ACTL6A: variants seen among roughly 807,000 people sequenced by gnomAD.
ACTL6A encodes the protein actin-like protein 6A.
In ACTL6A, 5 loss-of-function variants were observed where a neutral mutation model predicts 59.2. The observed-to-expected ratio is 0.08, with a 90% CI of 0.04 to 0.18. The LOEUF (loss-of-function observed/expected upper bound fraction) is 0.18, where lower values mean the gene tolerates loss of function less well. ACTL6A is among the 10% of genes least tolerant of loss of function. ACTL6A has a pLI of 1.00. For synonymous variants in ACTL6A, 154 were observed against 171.8 expected, an observed-to-expected ratio of 0.90 and a Z score of 0.81; for missense variants, 285 against 526.9, an observed-to-expected ratio of 0.54 and a Z score of 4.49.
intron 1 of ACTL6A, among the ~76,000 whole-genome samples, chr3:179,566,902 G>T (rs182776620): frequency 2.0e-5 from 3 of 152,004 alleles, no homozygotes; most frequent in Non-Finnish European, 4.4e-5. Context: ...TGTTGGCCAG[G>T]ATGGTCTTGA....
At chr3:179,565,736 A>G (rs76985230) in intron 1 of ACTL6A, among the ~76,000 whole-genome samples, 2,819 of 152,220 alleles carry the variant, frequency 0.019, 95 homozygotes, top group African/African-American at 0.063. Context: ...AGATTTTGCT[A>G]CACCTTGAAT....
At position 179,574,382 on chromosome 3, in the gene ACTL6A, G is replaced by A. The variant is rs556312497; in HGVS notation, c.391G>A (p.Ala131Thr). The change falls in exon 5 of 14, where the codon GCA becomes ACA. Residue 131 changes from alanine to threonine, a missense_variant. By Grantham distance (58) the Ala-to-Thr change is moderately conservative. Transcript: ENST00000429709. ...CCCTCTTCTCAAGTGGAATACTAGA[G>A]CAAAGAGAGAGAAACTGACAGAGTT... ...LMSEAPWNTR[A>T]KREKLTELMF... The A allele has an allele frequency of 6.2e-7, 1 of 1,611,178 alleles. No individual in the cohort carries two copies. Among genetic ancestry groups the A allele is most frequent in the Admixed American group, 1.7e-5 (1 of 60,000 alleles).
chr3:179,574,095 G>A (rs888439324), intron 4 of ACTL6A, among the ~76,000 whole-genome samples: 1 of 151,986 alleles, frequency 6.6e-6, no homozygotes, highest in African/African-American at 2.4e-5. Context: ...AAGAATCCTG[G>A]TTTCCTCATA....
intron 8 of ACTL6A, 75 bp downstream of exon 8, chr3:179,576,988 C>T (rs1437035144): frequency 8.6e-7 from 1 of 1,156,384 alleles, no homozygotes; most frequent in East Asian, 2.5e-5. Context: ...TATATATAGG[C>T]TGTAAATCCT....
rs1334808069 is a variant in ACTL6A, at chr3:179,563,075, G to A, written c.-18G>A. 14 of 1,611,082 alleles carry A rather than the reference G, an allele frequency of 8.7e-6. No homozygotes were observed. Among genetic ancestry groups the A allele is most frequent in the Non-Finnish European group, 1.2e-5 (14 of 1,179,514 alleles). On this transcript the variant is annotated 5_prime_UTR_variant, in exon 1 of 14. Transcript: ENST00000429709. ...TCGCCAGTTAGCCCTTAGGGTAGGA[G>A]TCGCGCCGGCAGCAGCCATGAGCGG...
rs1468198085 is a variant in ACTL6A, at chr3:179,576,206, T to A, written c.477-11T>A. 13 of 1,608,662 alleles carry A rather than the reference T, an allele frequency of 8.1e-6. No homozygotes were observed. The highest frequency in any genetic ancestry group is 1.1e-5 in the Non-Finnish European group (13 of 1,175,188). ...CCTTGATACTTTCTTTTCCTTAATG[T>A]TTTAAACTAGATTTGCTAATGGTCG... On this transcript the variant is annotated splice_polypyrimidine_tract_variant and intron_variant, in intron 5 of 13. Coordinates refer to ENST00000429709, the MANE Select transcript of ACTL6A (RefSeq NM_004301.5).
At chr3:179,587,897 G>A (rs1227230800) in intron 13 of ACTL6A, 33 bp from the exon 14 acceptor site, 12 of 1,560,516 alleles carry the variant, frequency 7.7e-6, no homozygotes, top group Non-Finnish European at 1.0e-5. Flanking sequence ...AAGAAGTAAG[G>A]CATAATTATA....
chr3:179,581,035 C>G, intron 10 of ACTL6A, 27 bp downstream of exon 10: 1 of 1,593,238 alleles, frequency 6.3e-7, no homozygotes. Context: ...CATAATTAGC[C>G]TGGCTTTTCC....
intron 3 of ACTL6A, among the ~76,000 whole-genome samples, chr3:179,572,341 A>G (rs1037517063): frequency 1.3e-5 from 2 of 152,204 alleles, no homozygotes; most frequent in African/African-American, 2.4e-5. Context: ...CTTTACACTA[A>G]GAAAGAAGTT....
rs749632307 is a variant in ACTL6A, at chr3:179,576,697, T to C, written c.649T>C (p.Leu217=). The C allele has an allele frequency of 1.2e-6, 2 of 1,613,708 alleles. No homozygotes were observed. The highest frequency in any genetic ancestry group is 4.5e-5 in the East Asian group (2 of 44,878). The change falls in exon 7 of 14, where the codon TTG becomes CTG. Residue 217 remains leucine (L), a synonymous_variant. Coordinates refer to ENST00000429709, the MANE Select transcript of ACTL6A (RefSeq NM_004301.5). The part of the protein sequence containing the change: ...RELFQEMNIE[L]VPPYMIASKE... The stretch of plus-strand genomic sequence containing the variant: ...ACTCTTCCAAGAAATGAATATTGAA[T>C]TGGTTCCTCCATATATGATTGCATC...
In ACTL6A at chr3:179,574,999, C is replaced by T. The variant is rs1448952543; in HGVS notation, c.476+532C>T. The T allele has an allele frequency of 3.2e-5, 6 of 189,284 alleles. No individual in the cohort carries two copies. The Admixed American group carries it at 3.3e-4, about 10-fold the overall frequency. 11.7% of individuals were successfully genotyped at this position (189,284 alleles called of 1,614,324 possible). A position where few individuals can be genotyped will look rare whatever the true frequency, so the allele number is the denominator to read the frequency against. On this transcript the variant is annotated intron_variant, in intron 5 of 13. Transcript: ENST00000429709. ...TTACGCTGTTGCTCTAATAATCTTT[C>T]TATTTTTATTTATTTATTTATTTGG...
chr3:179,563,132 C>T lies in ACTL6A; in HGVS notation c.25+15C>T. On this transcript the variant is annotated intron_variant, in intron 1 of 13. Coordinates refer to ENST00000429709, the MANE Select transcript of ACTL6A (RefSeq NM_004301.5). Reference sequence around the variant, plus strand: ...GTACGGGGGAGGTGAGTGAGTGCGGCCGGACGAGAGAGCGCGCCTTTTCGG... The same window carrying T: ...GTACGGGGGAGGTGAGTGAGTGCGGTCGGACGAGAGAGCGCGCCTTTTCGG... The T allele has an allele frequency of 1.9e-6, 3 of 1,611,202 alleles. No homozygotes were observed. The highest frequency in any genetic ancestry group is 2.5e-6 in the Non-Finnish European group (3 of 1,179,002).
In ACTL6A at chr3:179,576,896, C is replaced by T. The variant is rs773240025; in HGVS notation, c.751C>T (p.His251Tyr). Residue 251 changes from histidine (H) to tyrosine (Y), a missense_variant, in exon 8 of 14, where the codon CAC becomes TAC. Physicochemically the swap from His to Tyr is moderately conservative, Grantham distance 83 (BLOSUM62 2). Transcript: ENST00000429709. The stretch of plus-strand genomic sequence containing the variant: ...GTTGCCTCAGGTTACGAGGTCTTGG[C>T]ACAATTATATGTGTAATGTAAGTAA... Reference protein sequence around the residue: ...EKLPQVTRSWHNYMCNCVIQD... With the variant: ...EKLPQVTRSWYNYMCNCVIQD... 2.5e-6 allele frequency: 4 copies of T among 1,613,594 alleles called. No individual in the cohort carries two copies. The highest frequency in any genetic ancestry group is 1.7e-6 in the Non-Finnish European group (2 of 1,179,726).
chr3:179,581,214 C>G lies in ACTL6A; in HGVS notation c.1020C>G (p.Ile340Met). 1.2e-6 allele frequency: 2 copies of G among 1,612,206 alleles called. No homozygotes were observed. The highest frequency in any genetic ancestry group is 1.7e-6 in the Non-Finnish European group (2 of 1,178,270). The stretch of plus-strand genomic sequence containing the variant: ...GTGTTGGGATGTGTGATATTGACAT[C>G]AGACCAGTAAGTGCCAGTCTCCTGT... ...TTSVGMCDID[I>M]RPGLYGSVIV... Residue 340 changes from isoleucine (I) to methionine (M), a missense_variant, in exon 11 of 14, where the codon ATC becomes ATG. Physicochemically the swap from Ile to Met is conservative, Grantham distance 10. Coordinates refer to ENST00000429709, the MANE Select transcript of ACTL6A (RefSeq NM_004301.5).
At position 179,587,905 on chromosome 3, in the gene ACTL6A, A is replaced by G. The variant is rs768841457; in HGVS notation, c.1210-25A>G. ...TTCTAGTAAGAAGTAAGGCATAATT[A>G]TATAAATTTCTTTCCATTTTACAGG... On this transcript the variant is annotated intron_variant, in intron 13 of 13. Coordinates refer to ENST00000429709, the MANE Select transcript of ACTL6A (RefSeq NM_004301.5). The G allele has an allele frequency of 1.0e-5, 16 of 1,574,244 alleles. 1 individual carries two copies. The South Asian group carries it at 1.5e-4, about 15-fold the overall frequency.
chr3:179,583,638 T>A lies in ACTL6A; in HGVS notation c.1122+190T>A, dbSNP rs1718399300. 6.4e-6 allele frequency: 3 copies of A among 466,526 alleles called. No homozygotes were observed. In the East Asian group the frequency reaches 1.1e-4, roughly 18 times the overall value. The allele number at this position is 466,526 out of a possible 1,614,324, so 28.9% of individuals were successfully genotyped here. On this transcript the variant is annotated intron_variant, in intron 12 of 13. Transcript: ENST00000429709. ...CATCTATTAGTTTCTCTTAAATTAT[T>A]TGAATCTCATTTATTAATATTTAAA...
intron 8 of ACTL6A, among the ~76,000 whole-genome samples, chr3:179,577,321 C>G (rs1718197205): frequency 1.3e-5 from 2 of 152,004 alleles, no homozygotes; most frequent in South Asian, 4.1e-4. Context: ...TGTTCTGTTT[C>G]CCAGCATCAG....
At chr3:179,583,760 C>T (rs1718402597) in intron 12 of ACTL6A, 1 of 200,574 alleles carries the variant, frequency 5.0e-6, no homozygotes, top group Non-Finnish European at 1.0e-5. Flanking sequence ...ACATGCTCAA[C>T]AATTCAGTAT....
At chr3:179,573,503 A>G (rs1167374001) in intron 4 of ACTL6A, 34 bp downstream of exon 4, 27 of 1,310,152 alleles carry the variant, frequency 2.1e-5, no homozygotes, top group Non-Finnish European at 2.8e-5. Context: ...ACGTTTCTCT[A>G]GTTGTTTTTT....
Sources: gnomAD v4.1 joint callset for allele counts (sites outside exome capture counted in the v4.1 genomes callset) on GRCh38, gnomAD v4.1.1 for gene constraint, MANE v1.5 for transcripts, NCBI Gene and HGNC (gene_info 2026-07-23, HGNC 2026-07-21) for gene names.